The following TMEM192 variants were observed in gnomAD, a reference collection of about 807,000 sequenced individuals.
TMEM192 encodes transmembrane protein 192.
A neutral mutation model predicts 26.7 loss-of-function variants in TMEM192; 20 were observed. The observed-to-expected ratio is 0.75, with a 90% CI of 0.53 to 1.09. The LOEUF (loss-of-function observed/expected upper bound fraction) is 1.09, where lower values mean the gene tolerates loss of function less well. TMEM192 is among the 50% of genes least tolerant of loss of function. TMEM192 has a pLI of 0.00. For synonymous variants in TMEM192, 124 were observed against 121.0 expected (o/e 1.02, Z -0.16); for missense variants, 304 against 322.6 (o/e 0.94, Z 0.44).
chr4:165,107,214 G>A (rs184582860), intron 1 of TMEM192, among the ~76,000 whole-genome samples: 24 of 151,918 alleles, frequency 1.6e-4, no homozygotes, highest in Admixed American at 1.5e-3. Context: ...TAATAGAGAC[G>A]GGGTTTCACC....
At chr4:165,094,673 A>G (rs181996411) in intron 3 of TMEM192, among the ~76,000 whole-genome samples, 2 of 151,794 alleles carry the variant, frequency 1.3e-5, no homozygotes, top group South Asian at 2.1e-4. Context: ...AAAAAAGAAA[A>G]GGAAAAAAAG....
intron 2 of TMEM192, among the ~76,000 whole-genome samples, chr4:165,101,669 G>C (rs775497493): frequency 6.6e-6 from 1 of 152,184 alleles, no homozygotes; most frequent in Non-Finnish European, 1.5e-5. Flanking sequence ...TGCACATGGT[G>C]GTACCAAGAA....
intron 3 of TMEM192, among the ~76,000 whole-genome samples, chr4:165,088,974 G>A (rs1288912901): frequency 7.4e-6 from 1 of 135,830 alleles, no homozygotes; most frequent in Non-Finnish European, 1.5e-5. Flanking sequence ...CTGGGAGGTT[G>A]AGGCTGCAGT....
chr4:165,092,138 T>C (rs1237864179), intron 3 of TMEM192, among the ~76,000 whole-genome samples: 2 of 134,622 alleles, frequency 1.5e-5, no homozygotes, highest in South Asian at 2.5e-4. Flanking sequence ...TTTTTTTTTT[T>C]TGAGATGGAG....
chr4:165,082,168 G>C (rs1176091000), intron 5 of TMEM192, among the ~76,000 whole-genome samples: 2 of 33,720 alleles, frequency 5.9e-5, no homozygotes, highest in African/African-American at 1.1e-4. Context: ...TGGGGTTTCA[G>C]CACGTTGACC....
chr4:165,100,552 T>C, intron 3 of TMEM192, 76 bp downstream of exon 3: 1 of 1,487,066 alleles, frequency 6.7e-7, no homozygotes. Context: ...GATTCTAAAA[T>C]CAAACTTCAT....
chr4:165,099,175 G>A (rs1028628619), intron 3 of TMEM192, among the ~76,000 whole-genome samples: 1 of 141,402 alleles, frequency 7.1e-6, no homozygotes, highest in Non-Finnish European at 1.5e-5. Flanking sequence ...GCAGTGGCAT[G>A]ATCTCGGCTC....
In TMEM192 at chr4:165,071,052, T is replaced by C. The variant is rs915632673; in HGVS notation, c.*8606A>G. 3.9e-5 allele frequency: 6 copies of C among 152,048 alleles called. No individual in the cohort carries two copies. The highest frequency in any genetic ancestry group is 1.4e-4 in the African/African-American group (6 of 41,380). 9.4% of individuals were successfully genotyped at this position (152,048 alleles called of 1,614,324 possible). ...GAGCCACAGGTCTGCAGGGGAATCA[T>C]TGCAAGACCTCAGGTGATGCCTGGA... On this transcript the variant is annotated 3_prime_UTR_variant, in exon 6 of 6. Coordinates refer to ENST00000306480, the MANE Select transcript of TMEM192 (RefSeq NM_001100389.2).
chr4:165,106,515 T>C (rs1578914463), intron 1 of TMEM192, among the ~76,000 whole-genome samples: 1 of 152,246 alleles, frequency 6.6e-6, no homozygotes, highest in South Asian at 2.1e-4. Flanking sequence ...ACCCTCAATA[T>C]GGGCAAGCAC....
chr4:165,109,002 A>C (rs942127616), intron 1 of TMEM192, among the ~76,000 whole-genome samples: 1 of 152,084 alleles, frequency 6.6e-6, no homozygotes, highest in South Asian at 2.1e-4. Context: ...GCTACCCTTC[A>C]TTGTCTGATG....
intron 3 of TMEM192, among the ~76,000 whole-genome samples, chr4:165,091,326 A>G (rs1161311098): frequency 6.6e-6 from 1 of 152,110 alleles, no homozygotes; most frequent in African/African-American, 2.4e-5. Context: ...TGAAATAGGG[A>G]GAGTCTTGTG....
chr4:165,093,157 C>A (rs960133512), intron 3 of TMEM192, among the ~76,000 whole-genome samples: 4 of 132,592 alleles, frequency 3.0e-5, no homozygotes, highest in Admixed American at 9.3e-5. Context: ...AGCGCGGTGG[C>A]ACGATCTCAG....
intron 3 of TMEM192, among the ~76,000 whole-genome samples, chr4:165,096,629 CT>C (rs55845654): frequency 1.1e-3 from 156 of 144,484 alleles, no homozygotes; most frequent in African/African-American, 1.2e-3. Flanking sequence ...ATAGATTTAT[CT>C]TTTTTTTTTT....
In TMEM192 at chr4:165,075,032, A is replaced by C. The variant is rs1419868367; in HGVS notation, c.*4626T>G. On this transcript the variant is annotated 3_prime_UTR_variant, in exon 6 of 6. Coordinates refer to ENST00000306480, the MANE Select transcript of TMEM192 (RefSeq NM_001100389.2). ...ATCCAAAGAAATACAATTTGAAACA[A>C]TGACACACTCATCAGATGGGTCAAG... 2.0e-5 allele frequency: 3 copies of C among 152,208 alleles called. No homozygotes were observed. The highest frequency in any genetic ancestry group is 7.2e-5 in the African/African-American group (3 of 41,454). 9.4% of individuals were successfully genotyped at this position (152,208 alleles called of 1,614,324 possible). A position where few individuals can be genotyped will look rare whatever the true frequency, so the allele number is the denominator to read the frequency against.
At chr4:165,092,386 T>C (rs1168225611) in intron 3 of TMEM192, among the ~76,000 whole-genome samples, 2 of 152,106 alleles carry the variant, frequency 1.3e-5, no homozygotes, top group Non-Finnish European at 2.9e-5. Context: ...CCTCCCAAAG[T>C]GCTGGGATTA....
At chr4:165,086,250 G>A (rs1389394000) in intron 4 of TMEM192, among the ~76,000 whole-genome samples, 1 of 151,978 alleles carries the variant, frequency 6.6e-6, no homozygotes, top group Non-Finnish European at 1.5e-5. Context: ...ACACAGACTA[G>A]GAGAATAAAG....
At chr4:165,087,659 G>T (rs1361800180) in intron 4 of TMEM192, among the ~76,000 whole-genome samples, 3 of 151,644 alleles carry the variant, frequency 2.0e-5, no homozygotes, top group Non-Finnish European at 2.9e-5. Context: ...ACAATTTGGG[G>T]CTGGGTGCGG....
rs1177287687 is a variant in TMEM192, at chr4:165,082,739, AT to A, written c.677+2846del. ...AAAGTAAAAGAGGAATATAAACTGA[AT>A]TTTTTTTTTTTTGGAACAAAGTTTC... On this transcript the variant is annotated intron_variant, in intron 5 of 5. Transcript: ENST00000306480. Among the ~76,000 whole-genome samples the A allele has an allele frequency of 9.0e-3, 319 of 35,430 alleles. 101 individuals are homozygous for A. Among genetic ancestry groups the A allele is most frequent in the South Asian group, 0.022 (17 of 778 alleles). 23.2% of individuals were successfully genotyped at this position (35,430 alleles called of 152,430 possible). A position where few individuals can be genotyped will look rare whatever the true frequency, so the allele number is the denominator to read the frequency against.
At chr4:165,103,262 TAATTAATTAAAA>T (rs1019459700) in intron 1 of TMEM192, among the ~76,000 whole-genome samples, 166 bp from the exon 2 acceptor site, 2 of 152,120 alleles carry the variant, frequency 1.3e-5, no homozygotes, top group Admixed American at 6.5e-5. Flanking sequence ...TAATTTAATT[TAATTAATTAAAA>T]AATTAATTAA....
Sources: gnomAD v4.1 joint callset for allele counts (sites outside exome capture counted in the v4.1 genomes callset) on GRCh38, gnomAD v4.1.1 for gene constraint, MANE v1.5 for transcripts, NCBI Gene and HGNC (gene_info 2026-07-23, HGNC 2026-07-21) for gene names.